Variants in PTPN12 observed in about 807,000 individuals in gnomAD.
The protein encoded by PTPN12 is protein tyrosine phosphatase non-receptor type 12.
PTPN12 carries 29 observed loss-of-function variants against 97.6 expected under a neutral mutation model. The ratio of observed to expected loss-of-function variants is 0.30; its 90% CI spans 0.22 to 0.41. The LOEUF (loss-of-function observed/expected upper bound fraction) is 0.41. Among genes scored for constraint, PTPN12 ranks in the 10% least tolerant of loss-of-function variants. The pLI is 1.00. For synonymous variants in PTPN12, 327 were observed against 300.4 expected (o/e 1.09, Z -0.91); for missense variants, 819 against 926.0 (o/e 0.88, Z 1.50).
At chr7:77,539,262 A>G (rs889164132) in intron 1 of PTPN12, among the ~76,000 whole-genome samples, 2 of 152,226 alleles carry the variant, frequency 1.3e-5, no homozygotes, top group African/African-American at 4.8e-5. Context: ...CAGACCAATA[A>G]TAGAGGACGG....
At position 77,557,563 on chromosome 7, in the gene PTPN12, T is replaced by G. The variant is rs114987599; in HGVS notation, c.100-13515T>G. ...ATTTTTTTATTGTGATAAAATGTATTAATACAAAACATTTATCATTTAAGT... is the reference window on the plus strand; with the variant it reads ...ATTTTTTTATTGTGATAAAATGTATGAATACAAAACATTTATCATTTAAGT... On this transcript the variant is annotated intron_variant, in intron 1 of 17. Coordinates refer to ENST00000248594, the MANE Select transcript of PTPN12 (RefSeq NM_002835.4). 6.4e-3 allele frequency among the ~76,000 whole-genome samples: 971 copies of G among 152,286 alleles called. 14 individuals carry two copies. The highest frequency in any genetic ancestry group is 0.022 in the African/African-American group (910 of 41,558).
At chr7:77,594,059 A>G (rs1348788767) in intron 6 of PTPN12, among the ~76,000 whole-genome samples, 3 of 152,202 alleles carry the variant, frequency 2.0e-5, no homozygotes, top group East Asian at 1.9e-4. Flanking sequence ...TTATAAATCA[A>G]TGTTGTTTTT....
At chr7:77,570,568 A>G (rs569865912) in intron 1 of PTPN12, among the ~76,000 whole-genome samples, 2 of 152,352 alleles carry the variant, frequency 1.3e-5, no homozygotes, top group Admixed American at 6.5e-5. Context: ...AATGCAGTGA[A>G]TAAGCAGAAT....
intron 1 of PTPN12, among the ~76,000 whole-genome samples, chr7:77,541,240 C>T (rs1806959017): frequency 6.6e-6 from 1 of 152,138 alleles, no homozygotes; most frequent in Admixed American, 6.5e-5. Flanking sequence ...TATGGGCCCA[C>T]CCCACCAAGC....
chr7:77,580,354 T>C (rs1176038016), intron 2 of PTPN12, among the ~76,000 whole-genome samples: 1 of 152,196 alleles, frequency 6.6e-6, no homozygotes, highest in Non-Finnish European at 1.5e-5. Flanking sequence ...GTAAAAATAA[T>C]AAAGTAAATC....
intron 9 of PTPN12, among the ~76,000 whole-genome samples, chr7:77,610,499 C>G (rs1186673127): frequency 6.6e-6 from 1 of 152,198 alleles, no homozygotes; most frequent in Non-Finnish European, 1.5e-5. Flanking sequence ...TGCACACACT[C>G]AACAGTTAGC....
At chr7:77,596,655 G>A (rs1426711297) in intron 6 of PTPN12, among the ~76,000 whole-genome samples, 1 of 152,136 alleles carries the variant, frequency 6.6e-6, no homozygotes, top group Non-Finnish European at 1.5e-5. Flanking sequence ...AAAGCGATCC[G>A]TCCACCTCAG....
At chr7:77,555,716 C>T (rs969706159) in intron 1 of PTPN12, among the ~76,000 whole-genome samples, 1 of 152,094 alleles carries the variant, frequency 6.6e-6, no homozygotes, top group Non-Finnish European at 1.5e-5. Context: ...AGATCGAGAC[C>T]ATCCTGGCTA....
At chr7:77,621,242 C>CAG (rs138587772) in intron 12 of PTPN12, among the ~76,000 whole-genome samples, 2,792 of 152,128 alleles carry the variant, frequency 0.018, 33 homozygotes, top group Middle Eastern at 0.071. Flanking sequence ...TGGAAGGTAT[C>CAG]GGGCAGAAAC....
chr7:77,593,832 C>T (rs1787941830), intron 6 of PTPN12, among the ~76,000 whole-genome samples: 1 of 152,188 alleles, frequency 6.6e-6, no homozygotes, highest in Non-Finnish European at 1.5e-5. Context: ...TATCACATTC[C>T]TTATTCAGAG....
chr7:77,548,863 C>G (rs1807344968), intron 1 of PTPN12, among the ~76,000 whole-genome samples: 1 of 152,170 alleles, frequency 6.6e-6, no homozygotes, highest in South Asian at 2.1e-4. Flanking sequence ...GCCTCTTTGT[C>G]TTTCTATGGT....
chr7:77,639,001 A>G (rs538918784), intron 17 of PTPN12: 2 of 687,136 alleles, frequency 2.9e-6, no homozygotes, highest in African/African-American at 3.7e-5. Flanking sequence ...AATTGGTTTT[A>G]TTTCCAGCAT....
At chr7:77,622,728 G>A (rs941056927) in intron 12 of PTPN12, among the ~76,000 whole-genome samples, 3 of 151,846 alleles carry the variant, frequency 2.0e-5, no homozygotes, top group Non-Finnish European at 4.4e-5. Context: ...TCGAGATCGC[G>A]CCACTGCTCT....
intron 14 of PTPN12, 32 bp downstream of exon 14, chr7:77,632,457 C>T: frequency 6.7e-7 from 1 of 1,487,826 alleles, no homozygotes; most frequent in Non-Finnish European, 9.4e-7. Flanking sequence ...ACATTTACTT[C>T]ATATTCTAAT....
intron 11 of PTPN12, among the ~76,000 whole-genome samples, chr7:77,613,347 G>C (rs1439277603): frequency 6.7e-6 from 1 of 149,698 alleles, no homozygotes; most frequent in Non-Finnish European, 1.5e-5. Flanking sequence ...GCTAATTTTT[G>C]TATTTTTAGT....
At chr7:77,600,883 A>G in intron 8 of PTPN12, 77 bp downstream of exon 8, 1 of 1,240,588 alleles carries the variant, frequency 8.1e-7, no homozygotes, top group Non-Finnish European at 1.1e-6. Flanking sequence ...CTGCATTAAT[A>G]TGTTAGTAAT....
intron 7 of PTPN12, among the ~76,000 whole-genome samples, chr7:77,600,034 G>A (rs1047885186): frequency 5.9e-5 from 9 of 152,118 alleles, no homozygotes; most frequent in Non-Finnish European, 1.0e-4. Flanking sequence ...AATAAGGCAC[G>A]TAACATTTTA....
At chr7:77,597,345 A>T (rs940113530) in intron 6 of PTPN12, among the ~76,000 whole-genome samples, 1 of 151,950 alleles carries the variant, frequency 6.6e-6, no homozygotes, top group East Asian at 1.9e-4. Context: ...CTGGTCTCGA[A>T]CTCCTGACCT....
intron 1 of PTPN12, among the ~76,000 whole-genome samples, chr7:77,564,490 C>T (rs1562714824): frequency 6.6e-6 from 1 of 151,954 alleles, no homozygotes; most frequent in South Asian, 2.1e-4. Context: ...AACCTGCTAC[C>T]GTTTAAAATT....
Sources: gnomAD v4.1 joint callset for allele counts (sites outside exome capture counted in the v4.1 genomes callset) on GRCh38, gnomAD v4.1.1 for gene constraint, MANE v1.5 for transcripts, NCBI Gene and HGNC (gene_info 2026-07-23, HGNC 2026-07-21) for gene names.